The following RBMS2 variants were observed in gnomAD, a reference collection of about 807,000 sequenced individuals.
The protein encoded by RBMS2 is RNA binding motif single stranded interacting protein 2, also known as RNA-binding motif, single-stranded-interacting protein 2.
Under a neutral mutation model 58.4 loss-of-function variants are expected in RBMS2, and 38 were observed. The ratio of observed to expected loss-of-function variants is 0.65; its 90% CI spans 0.50 to 0.85. The LOEUF (loss-of-function observed/expected upper bound fraction) is 0.85, where lower values mean the gene tolerates loss of function less well. Among genes scored for constraint, RBMS2 ranks in the 40% least tolerant of loss-of-function variants. RBMS2 has a pLI of 0.00. For synonymous variants in RBMS2, 151 were observed against 180.7 expected (o/e 0.84, Z 1.32); for missense variants, 367 against 503.7 (o/e 0.73, Z 2.60).
intron 1 of RBMS2, among the ~76,000 whole-genome samples, chr12:56,530,516 A>G (rs1478715569): frequency 1.3e-5 from 2 of 151,438 alleles, no homozygotes; most frequent in Non-Finnish European, 2.9e-5. Flanking sequence ...TCACGCCATC[A>G]CACTTGGCTA....
chr12:56,570,055 T>C (rs1256737749), intron 4 of RBMS2, 65 bp downstream of exon 4: 3 of 1,460,446 alleles, frequency 2.1e-6, no homozygotes, highest in African/African-American at 2.8e-5. Context: ...GTTCCAGTTC[T>C]AAGGTTTCCA....
At chr12:56,534,673 G>A (rs909558287) in intron 1 of RBMS2, among the ~76,000 whole-genome samples, 2 of 152,048 alleles carry the variant, frequency 1.3e-5, no homozygotes, top group African/African-American at 2.4e-5. Context: ...ATGGAGGCTC[G>A]CTCTGTCGCC....
chr12:56,559,917 C>T lies in RBMS2; in HGVS notation c.67-2500C>T, dbSNP rs1462831284. 1.5e-3 allele frequency among the ~76,000 whole-genome samples: 166 copies of T among 111,162 alleles called. 1 individual carries two copies. Among genetic ancestry groups the T allele is most frequent in the African/African-American group, 5.2e-3 (151 of 29,188 alleles). The allele number at this position is 111,162 out of a possible 152,430, so 72.9% of individuals were successfully genotyped here. ...CTTCTTTTTTTTTTTTTTTTTGAGACGGAGTCGCCCTCTGTCACCCAGGCT... is the reference window on the plus strand; with the variant it reads ...CTTCTTTTTTTTTTTTTTTTTGAGATGGAGTCGCCCTCTGTCACCCAGGCT... On this transcript the variant is annotated intron_variant, in intron 1 of 13. Transcript: ENST00000262031.
chr12:56,540,504 G>A (rs1875882230), intron 1 of RBMS2, among the ~76,000 whole-genome samples: 1 of 152,036 alleles, frequency 6.6e-6, no homozygotes, highest in African/African-American at 2.4e-5. Context: ...CTTCCATGTA[G>A]CCGGGACTAC....
intron 1 of RBMS2, among the ~76,000 whole-genome samples, chr12:56,537,160 G>A (rs1875060382): frequency 6.6e-6 from 1 of 151,736 alleles, no homozygotes; most frequent in South Asian, 2.1e-4. Flanking sequence ...ACCTCAAGCA[G>A]TCCACTCACC....
chr12:56,547,266 A>G lies in RBMS2; in HGVS notation c.67-15151A>G, dbSNP rs566793214. ...CCTACTCAGGAAGCTGAGGCAGTAG[A>G]ATCGCTTGAACCTGGGAGGCAGAGG... On this transcript the variant is annotated intron_variant, in intron 1 of 13. Transcript: ENST00000262031. 4.6e-4 allele frequency among the ~76,000 whole-genome samples: 70 copies of G among 152,206 alleles called. 2 individuals carry two copies. The South Asian group carries it at 7.1e-3, about 15-fold the overall frequency.
rs767783589 is a variant in RBMS2, at chr12:56,522,102, G to T, written c.66+13G>T. 6.4e-7 allele frequency: 1 copy of T among 1,569,060 alleles called. No individual in the cohort carries two copies. The highest frequency in any genetic ancestry group is 8.8e-7 in the Non-Finnish European group (1 of 1,142,398). On this transcript the variant is annotated intron_variant, in intron 1 of 13. Coordinates refer to ENST00000262031, the MANE Select transcript of RBMS2 (RefSeq NM_002898.4). ...AAACAACAAGAAGGTAGGGAAAAGC[G>T]CTTTTTTGGTATCTAGCTACTTCTT...
chr12:56,570,087 T>C (rs1882037679), intron 4 of RBMS2, 97 bp downstream of exon 4: 1 of 1,132,504 alleles, frequency 8.8e-7, no homozygotes, highest in Admixed American at 2.2e-5. Context: ...AACCATGAAA[T>C]TGAGTGGGCA....
chr12:56,523,110 G>A (rs143717443), intron 1 of RBMS2, among the ~76,000 whole-genome samples: 1 of 152,170 alleles, frequency 6.6e-6, no homozygotes, highest in Non-Finnish European at 1.5e-5. Flanking sequence ...GTGGGTAAAT[G>A]TTTAGACCCA....
At chr12:56,551,674 G>A (rs1283895344) in intron 1 of RBMS2, among the ~76,000 whole-genome samples, 1 of 152,140 alleles carries the variant, frequency 6.6e-6, no homozygotes, top group Non-Finnish European at 1.5e-5. Flanking sequence ...AAATAAGGGA[G>A]TTCAGGAAAA....
intron 5 of RBMS2, among the ~76,000 whole-genome samples, chr12:56,574,417 A>T (rs1882813417): frequency 6.6e-6 from 1 of 152,226 alleles, no homozygotes; most frequent in African/African-American, 2.4e-5. Flanking sequence ...TGCTTTTGTC[A>T]TAGCAACTAT....
chr12:56,569,578 G>A (rs113697707), intron 3 of RBMS2, among the ~76,000 whole-genome samples: 5,131 of 152,188 alleles, frequency 0.034, 309 homozygotes, highest in African/African-American at 0.12. Context: ...AAGAAAAGAG[G>A]GGAGTGAATT....
chr12:56,589,050 CTGCACT>C, intron 13 of RBMS2, 32 bp downstream of exon 13: 2 of 1,613,660 alleles, frequency 1.2e-6, no homozygotes, highest in Admixed American at 3.3e-5. Flanking sequence ...GCAGGGAGGG[CTGCACT>C]GGCAGACAGC....
chr12:56,550,176 C>T (rs1407534859), intron 1 of RBMS2, among the ~76,000 whole-genome samples: 1 of 152,070 alleles, frequency 6.6e-6, no homozygotes, highest in East Asian at 1.9e-4. Flanking sequence ...GAATCAATGT[C>T]AGGGTTATTA....
In RBMS2 at chr12:56,592,783, T is replaced by G. The variant is rs1429657581; in HGVS notation, c.*3650T>G. ...GCCTTAGCCTCCCAAAGTGCTGGGA[T>G]TACAGGCGTGAGCCACCGCGCCCGG... On this transcript the variant is annotated 3_prime_UTR_variant, in exon 14 of 14. Coordinates refer to ENST00000262031, the MANE Select transcript of RBMS2 (RefSeq NM_002898.4). The G allele has an allele frequency of 2.0e-5, 3 of 152,088 alleles. No individual in the cohort carries two copies. The highest frequency in any genetic ancestry group is 7.3e-5 in the African/African-American group (3 of 41,350). The allele number at this position is 152,088 out of a possible 1,614,324, so 9.4% of individuals were successfully genotyped here. A position where few individuals can be genotyped will look rare whatever the true frequency, so the allele number is the denominator to read the frequency against.
At position 56,588,913 on chromosome 12, in the gene RBMS2, C is replaced by G. The variant is rs753605853; in HGVS notation, c.1144-19C>G. ...GAAAGGAATGCGCAAGATGACCCCC[C>G]TCCTTGGCTATGGCACAGGAGAGCA... On this transcript the variant is annotated intron_variant, in intron 12 of 13. Coordinates refer to ENST00000262031, the MANE Select transcript of RBMS2 (RefSeq NM_002898.4). 8 of 1,613,574 alleles carry G rather than the reference C, an allele frequency of 5.0e-6. No individual in the cohort carries two copies. Among genetic ancestry groups the G allele is most frequent in the African/African-American group, 2.7e-5 (2 of 74,896 alleles).
intron 2 of RBMS2, among the ~76,000 whole-genome samples, chr12:56,564,633 G>A (rs991586591): frequency 1.3e-5 from 2 of 152,144 alleles, no homozygotes; most frequent in African/African-American, 4.8e-5. Flanking sequence ...CCAAAAGCTG[G>A]GATTACAGGC....
intron 1 of RBMS2, among the ~76,000 whole-genome samples, chr12:56,554,576 G>T (rs907661900): frequency 1.8e-4 from 28 of 152,094 alleles, no homozygotes; most frequent in African/African-American, 5.8e-4. Context: ...ACACACACTG[G>T]GGCCTGTTGT....
chr12:56,564,201 C>T (rs7133264), intron 2 of RBMS2, among the ~76,000 whole-genome samples: 112,909 of 151,410 alleles, frequency 0.75, 43,373 homozygotes, highest in East Asian at 0.83. Flanking sequence ...CTGCCCACTT[C>T]GGCCGCCCAA....
Sources: allele counts gnomAD v4.1 joint callset (sites outside exome capture counted in the v4.1 genomes callset), GRCh38; gene constraint gnomAD v4.1.1; transcripts MANE v1.5; gene names NCBI Gene and HGNC (gene_info 2026-07-23, HGNC 2026-07-21).